Variants in KPNA7 observed in about 807,000 individuals in gnomAD.
KPNA7 encodes the protein karyopherin subunit alpha 7.
In KPNA7, 54 loss-of-function variants were observed where a neutral mutation model predicts 53.7. That is an observed-to-expected ratio of 1.01 (90% CI 0.81 to 1.26). The LOEUF (loss-of-function observed/expected upper bound fraction) is 1.26. Among genes scored for constraint, KPNA7 ranks in the 50% most tolerant of loss-of-function variants. KPNA7 has a pLI of 0.00. For synonymous variants in KPNA7, 276 were observed against 259.3 expected, an observed-to-expected ratio of 1.06 and a Z score of -0.62; for missense variants, 640 against 644.5, an observed-to-expected ratio of 0.99 and a Z score of 0.07.
intron 1 of KPNA7, among the ~76,000 whole-genome samples, chr7:99,217,535 G>T (rs1025406197): frequency 1.3e-5 from 2 of 151,810 alleles, no homozygotes; most frequent in African/African-American, 2.4e-5. Flanking sequence ...GGGGTTGGGG[G>T]TGGAGAGGGA....
In KPNA7 at chr7:99,178,771, C is replaced by CAAAAAAA; in HGVS notation, c.1318-712_1318-706dup. Among the ~76,000 whole-genome samples, 63 of 27,708 alleles carry CAAAAAAA rather than the reference C, an allele frequency of 2.3e-3. 4 individuals are homozygous for CAAAAAAA. Among genetic ancestry groups the CAAAAAAA allele is most frequent in the Admixed American group, 2.9e-3 (4 of 1,380 alleles). The allele number at this position is 27,708 out of a possible 152,430, so 18.2% of individuals were successfully genotyped here. ...GCATTTGGCCCAAATATCTTTGTCT[C>CAAAAAAA]AAAAAAAAAAAAAAAAAAAAAAAAA... On this transcript the variant is annotated intron_variant, in intron 9 of 10. Coordinates refer to ENST00000327442, the MANE Select transcript of KPNA7 (RefSeq NM_001145715.3).
chr7:99,207,555 T>C, intron 1 of KPNA7, 66 bp from the exon 2 acceptor site: 2 of 744,800 alleles, frequency 2.7e-6, no homozygotes, highest in Non-Finnish European at 4.5e-6. Flanking sequence ...GTCAGTATCA[T>C]AAGGCTCTAA....
At chr7:99,163,381 A>ATTTTTTT in the KPNA7 span, among the ~76,000 whole-genome samples, 30 of 58,884 alleles carry the variant, frequency 5.1e-4, 1 homozygote, top group African/African-American at 1.0e-3. Context: ...ATATATATAT[A>ATTTTTTT]TATTTTTTTT....
At chr7:99,175,055 C>G (rs1347739539) in intron 10 of KPNA7, among the ~76,000 whole-genome samples, 1 of 151,338 alleles carries the variant, frequency 6.6e-6, no homozygotes, top group Non-Finnish European at 1.5e-5. Flanking sequence ...AGGTGATCCA[C>G]CCGCCTTGGC....
At chr7:99,180,229 T>TA (rs1799107249) in intron 9 of KPNA7, among the ~76,000 whole-genome samples, 2 of 152,126 alleles carry the variant, frequency 1.3e-5, no homozygotes, top group South Asian at 4.1e-4. Context: ...TGGCTAGGCA[T>TA]GGTGGCTCAC....
intron 3 of KPNA7, among the ~76,000 whole-genome samples, chr7:99,197,766 G>C (rs1790304303): frequency 6.6e-6 from 1 of 152,136 alleles, no homozygotes; most frequent in Non-Finnish European, 1.5e-5. Context: ...AGGTTAATTG[G>C]AATTATCCAG....
At chr7:99,206,849 A>AT (rs1212082717) in intron 2 of KPNA7, among the ~76,000 whole-genome samples, 2 of 152,122 alleles carry the variant, frequency 1.3e-5, no homozygotes, top group African/African-American at 2.4e-5. Flanking sequence ...CTTTGATTTG[A>AT]TTCCACAGTT....
chr7:99,215,369 CAAAAAAAAAA>C (rs533680824), intron 1 of KPNA7, among the ~76,000 whole-genome samples: 11 of 52,070 alleles, frequency 2.1e-4, no homozygotes, highest in East Asian at 1.7e-3. Flanking sequence ...GAGACTGTCT[CAAAAAAAAAA>C]AAAAAAAAAA....
At chr7:99,164,343 A>T in the KPNA7 span, among the ~76,000 whole-genome samples, 1 of 152,056 alleles carries the variant, frequency 6.6e-6, no homozygotes, top group Admixed American at 6.6e-5. Flanking sequence ...TTGTAGGGAC[A>T]TGGATGAAAC....
rs754311223 is a variant in KPNA7 at position 99,193,024 on chromosome 7, G to C, written c.631C>G (p.Leu211Val). The C allele has an allele frequency of 8.3e-5, 124 of 1,500,082 alleles. No individual in the cohort carries two copies. The South Asian group carries it at 1.6e-3, about 19-fold the overall frequency. The allele number at this position is 1,500,082 out of a possible 1,614,324, so 92.9% of individuals were successfully genotyped here. ...AGAAAGAAAAAGACACTTACCGGCAGGGTGGGTGAAATCAAGGCTAGGAGA... is the reference window on the plus strand; with the variant it reads ...AGAAAGAAAAAGACACTTACCGGCACGGTGGGTGAAATCAAGGCTAGGAGA... ...PHLLALISPTLPITFLRNITW... is the reference protein window; with the variant it reads ...PHLLALISPTVPITFLRNITW... Residue 211 changes from leucine (L) to valine (V), a missense_variant, in exon 6 of 11, where the codon CTG becomes GTG. Physicochemically the swap from Leu to Val is conservative, Grantham distance 32. Transcript: ENST00000327442.
At chr7:99,159,209 A>G in the KPNA7 span, among the ~76,000 whole-genome samples, 1 of 151,946 alleles carries the variant, frequency 6.6e-6, no homozygotes, top group Non-Finnish European at 1.5e-5. Flanking sequence ...TTAGCCAGGC[A>G]TGGTAGTGCA....
At chr7:99,170,860 G>A (rs190594356), downstream of KPNA7, among the ~76,000 whole-genome samples, 1 of 152,178 alleles carries the variant, frequency 6.6e-6, no homozygotes, top group African/African-American at 2.4e-5. Context: ...AGAAGATAAT[G>A]ATCGATGCTT....
chr7:99,176,646 G>A (rs753513780), intron 10 of KPNA7, among the ~76,000 whole-genome samples: 7 of 152,160 alleles, frequency 4.6e-5, no homozygotes, highest in Non-Finnish European at 8.8e-5. Flanking sequence ...AGGCCGAGAC[G>A]GGTGGCTTGC....
upstream of KPNA7, among the ~76,000 whole-genome samples, chr7:99,209,704 A>ATAAAT (rs539435816): frequency 2.1e-5 from 3 of 142,702 alleles, no homozygotes; most frequent in African/African-American, 8.1e-5. Flanking sequence ...AAAAAAAAAA[A>ATAAAT]AAAAAAGAAA....
At chr7:99,153,043 T>C in the KPNA7 span, among the ~76,000 whole-genome samples, 1 of 152,218 alleles carries the variant, frequency 6.6e-6, no homozygotes, top group African/African-American at 2.4e-5. Flanking sequence ...AATAACGGGC[T>C]GGTCTTAGGA....
upstream of KPNA7, among the ~76,000 whole-genome samples, chr7:99,209,545 T>C (rs1790988535): frequency 6.6e-6 from 1 of 151,742 alleles, no homozygotes; most frequent in Admixed American, 6.6e-5. Flanking sequence ...TAGCCAGGCG[T>C]AGTGGCAGGC....
intron 9 of KPNA7, among the ~76,000 whole-genome samples, chr7:99,181,676 G>A (rs1227882507): frequency 1.3e-5 from 2 of 152,144 alleles, no homozygotes; most frequent in East Asian, 3.9e-4. Flanking sequence ...AGCCTCCCAA[G>A]TAGCTGGGAT....
intron 6 of KPNA7, among the ~76,000 whole-genome samples, chr7:99,192,701 G>A (rs1291443276): frequency 6.6e-6 from 1 of 152,170 alleles, no homozygotes; most frequent in Non-Finnish European, 1.5e-5. Flanking sequence ...GAGCCACCAT[G>A]CCCAGTCTTG....
intron 4 of KPNA7, 91 bp from the exon 5 acceptor site, chr7:99,195,429 C>T (rs922622925): frequency 8.0e-7 from 1 of 1,250,516 alleles, no homozygotes. Context: ...TGGCTCACAC[C>T]TGTAATCTCA....
Sources: gnomAD v4.1 joint callset for allele counts (sites outside exome capture counted in the v4.1 genomes callset) on GRCh38, gnomAD v4.1.1 for gene constraint, MANE v1.5 for transcripts, NCBI Gene and HGNC (gene_info 2026-07-23, HGNC 2026-07-21) for gene names.